Variants in CHD6 observed in about 807,000 individuals in gnomAD.
CHD6 encodes the protein ATP-dependent chromatin remodeler CHD6.
Under a neutral mutation model 276.9 loss-of-function variants are expected in CHD6, and 50 were observed. The ratio of observed to expected loss-of-function variants is 0.18; its 90% CI spans 0.14 to 0.23. The LOEUF is 0.23. Ranked by LOEUF, CHD6 falls within the 10% of genes least tolerant of loss-of-function variation. CHD6 has a pLI of 1.00. For synonymous variants in CHD6, 1,173 were observed against 1,229.3 expected (o/e 0.95, Z 0.96); for missense variants, 2,564 against 3,365.8 (o/e 0.76, Z 5.89).
intron 2 of CHD6, among the ~76,000 whole-genome samples, chr20:41,543,276 G>A (rs1417605053): frequency 6.6e-6 from 1 of 152,090 alleles, no homozygotes; most frequent in Non-Finnish European, 1.5e-5. Flanking sequence ...AACTCAACTT[G>A]GTCCCACGGC....
At chr20:41,547,548 G>T in intron 2 of CHD6, 2 of 483,436 alleles carry the variant, frequency 4.1e-6, no homozygotes, top group South Asian at 1.6e-5. Context: ...CAAAAAGGTT[G>T]ATGATGACAT....
chr20:41,483,092 G>A, intron 16 of CHD6, among the ~76,000 whole-genome samples: 1 of 152,152 alleles, frequency 6.6e-6, no homozygotes, highest in East Asian at 1.9e-4. Flanking sequence ...AGCAAGGACT[G>A]TACATCATAG....
intron 26 of CHD6, among the ~76,000 whole-genome samples, chr20:41,438,124 T>A (rs867936109): frequency 6.6e-6 from 1 of 152,170 alleles, no homozygotes; most frequent in Admixed American, 6.5e-5. Flanking sequence ...CAGAATCACA[T>A]TTGGCGAAAG....
At chr20:41,582,425 A>G (rs1313019613) in intron 1 of CHD6, among the ~76,000 whole-genome samples, 1 of 152,228 alleles carries the variant, frequency 6.6e-6, no homozygotes, top group East Asian at 1.9e-4. Context: ...AAAATAGTAA[A>G]GTCATACTCC....
rs115662305 is a variant in CHD6, at chr20:41,470,250, T to C, written c.2664+3072A>G. On this transcript the variant is annotated intron_variant, in intron 17 of 36. Coordinates refer to ENST00000373233, the MANE Select transcript of CHD6 (RefSeq NM_032221.5). ...TTCCTCTCTCTATCACATCTTTTTA[T>C]AGCCCACCAGTCCCACTAACTAATA... Among the ~76,000 whole-genome samples the C allele has an allele frequency of 4.6e-3, 699 of 152,212 alleles. 1 individual carries two copies. The highest frequency in any genetic ancestry group is 0.016 in the African/African-American group (672 of 41,516).
chr20:41,466,154 G>A (rs1363725896), intron 17 of CHD6, among the ~76,000 whole-genome samples: 1 of 152,080 alleles, frequency 6.6e-6, no homozygotes, highest in Non-Finnish European at 1.5e-5. Context: ...GTGAGCCGAG[G>A]TTGCGTCACT....
chr20:41,431,887 G>A (rs141267243), intron 27 of CHD6, among the ~76,000 whole-genome samples: 5,518 of 149,484 alleles, frequency 0.037, 116 homozygotes, highest in Middle Eastern at 0.056. Context: ...TTCCGGGCGC[G>A]GTGGCTCACG....
intron 27 of CHD6, among the ~76,000 whole-genome samples, chr20:41,435,605 A>C (rs2047682303): frequency 3.0e-5 from 1 of 33,434 alleles, no homozygotes. Context: ...CCCTGAGTCA[A>C]AAAAAAAAAA....
At chr20:41,466,370 G>A (rs561487041) in intron 17 of CHD6, among the ~76,000 whole-genome samples, 50 of 152,176 alleles carry the variant, frequency 3.3e-4, no homozygotes, top group African/African-American at 1.1e-3. Context: ...ACAATCCAGG[G>A]TATAGCAGGA....
intron 31 of CHD6, among the ~76,000 whole-genome samples, chr20:41,418,590 GT>G (rs201492237): frequency 1.7e-4 from 25 of 147,618 alleles, no homozygotes; most frequent in Admixed American, 2.0e-4. Flanking sequence ...TTGAATTTAA[GT>G]TTTTTTTTTT....
In CHD6 at chr20:41,403,324, G is replaced by A. The variant is rs2046581681; in HGVS notation, c.*1269C>T. The A allele has an allele frequency of 1.1e-5, 12 of 1,063,414 alleles. No individual in the cohort carries two copies. The South Asian group carries it at 4.6e-4, about 40-fold the overall frequency. 65.9% of individuals were successfully genotyped at this position (1,063,414 alleles called of 1,614,324 possible). On this transcript the variant is annotated 3_prime_UTR_variant, in exon 37 of 37. Transcript: ENST00000373233. The stretch of plus-strand genomic sequence containing the variant: ...TCAGAGTGTGAACTACCTGTGAAGA[G>A]TGAGACCATCAGAAGGGACGTTAAC...
chr20:41,451,872 G>A lies in CHD6; in HGVS notation c.3477C>T (p.Ile1159=), dbSNP rs766920320. ...GGGCTTGCCCATCTTTGGTAGGTGT[G>A]ATCAGTTCCCAAATGAAACTCTTGA... ...EKIKSFIWEL[I]TPTKDGQAQT... The change falls in exon 22 of 37, where the codon ATC becomes ATT. Residue 1159 remains isoleucine (I), a synonymous_variant. Transcript: ENST00000373233. The A allele has an allele frequency of 5.6e-6, 9 of 1,614,016 alleles. No individual in the cohort carries two copies. The East Asian group carries it at 6.7e-5, about 12-fold the overall frequency.
intron 35 of CHD6, 101 bp from the exon 36 acceptor site, chr20:41,412,364 G>T: frequency 7.3e-7 from 1 of 1,366,170 alleles, no homozygotes; most frequent in Non-Finnish European, 1.0e-6. Context: ...TCTCGTCAAT[G>T]GTTGTCTGCA....
At position 41,405,047 on chromosome 20, in the gene CHD6, G is replaced by T; in HGVS notation, c.7694C>A (p.Thr2565Asn). Reference protein sequence around the residue: ...SSTTKSGTAVTEKTAEDKPSS... With the variant: ...SSTTKSGTAVNEKTAEDKPSS... Reference sequence around the variant, plus strand: ...CGGCTTGTCTTCCGCAGTCTTTTCAGTCACTGCCGTACCACTTTTCGTTGT... The same window carrying T: ...CGGCTTGTCTTCCGCAGTCTTTTCATTCACTGCCGTACCACTTTTCGTTGT... Residue 2565 changes from threonine to asparagine, a missense_variant, in exon 37 of 37, where the codon ACT becomes AAT. This residue lies in a region of CHD6 where 238 missense variants were observed against 266.0 expected (regional missense o/e 0.89). Transcript: ENST00000373233. 6.2e-7 allele frequency: 1 copy of T among 1,614,224 alleles called. No homozygotes were observed. Among genetic ancestry groups the T allele is most frequent in the Non-Finnish European group, 8.5e-7 (1 of 1,180,052 alleles).
In CHD6 at chr20:41,445,762, C is replaced by T; in HGVS notation, c.3780G>A (p.Leu1260=). ...AGTCGATGTCAGGCAGAGGTACATC[C>T]AGCTCCCTAGGGAAGGAAGGGTGTA... ...KAFEGSPARE[L]DVPLPDIDYM... The change falls in exon 25 of 37, where the codon CTG becomes CTA. Residue 1260 remains leucine, a synonymous_variant. Coordinates refer to ENST00000373233, the MANE Select transcript of CHD6 (RefSeq NM_032221.5). 2.5e-6 allele frequency: 4 copies of T among 1,609,902 alleles called. No individual in the cohort carries two copies. Among genetic ancestry groups the T allele is most frequent in the African/African-American group, 1.3e-5 (1 of 74,972 alleles).
chr20:41,440,062 G>C lies in CHD6; in HGVS notation c.3945C>G (p.Pro1315=), dbSNP rs140946816. The change falls in exon 26 of 37, where the codon CCC becomes CCG. Residue 1315 remains proline, a synonymous_variant. Transcript: ENST00000373233. Reference sequence around the variant, plus strand: ...GTTCTGCAGAAAGGGACTTCTCATCGGGCATCCCAACTTTCTCCAGGAAGC... The same window carrying C: ...GTTCTGCAGAAAGGGACTTCTCATCCGGCATCCCAACTTTCTCCAGGAAGC... ...ALCFLEKVGM[P]DEKSLSAEQG... is the part of the protein sequence containing the mutation. 60 of 1,613,692 alleles carry C rather than the reference G, an allele frequency of 3.7e-5. No homozygotes were observed. The highest frequency in any genetic ancestry group is 4.9e-5 in the Non-Finnish European group (58 of 1,179,792).
intron 17 of CHD6, among the ~76,000 whole-genome samples, chr20:41,470,755 G>C (rs1249484865): frequency 6.6e-6 from 1 of 152,184 alleles, no homozygotes; most frequent in Non-Finnish European, 1.5e-5. Flanking sequence ...TCTCCACTAG[G>C]TTTGACTATT....
At chr20:41,465,686 G>A (rs1685023015) in intron 17 of CHD6, among the ~76,000 whole-genome samples, 1 of 152,112 alleles carries the variant, frequency 6.6e-6, no homozygotes, top group African/African-American at 2.4e-5. Context: ...TTATACTACG[G>A]TTATATAAAA....
At chr20:41,436,108 A>G (rs1442035315) in intron 27 of CHD6, among the ~76,000 whole-genome samples, 1 of 152,208 alleles carries the variant, frequency 6.6e-6, no homozygotes, top group Non-Finnish European at 1.5e-5. Flanking sequence ...AAATACTTGC[A>G]AACTACGTAT....
Sources: gnomAD v4.1 joint callset for allele counts (sites outside exome capture counted in the v4.1 genomes callset) on GRCh38, gnomAD v4.1.1 for gene constraint, gnomAD v4.1.1 regional missense constraint, MANE v1.5 for transcripts, NCBI Gene and HGNC (gene_info 2026-07-23, HGNC 2026-07-21) for gene names.